RGS6: variants seen among roughly 807,000 people sequenced by gnomAD.
RGS6 encodes the protein regulator of G protein signaling 6.
A neutral mutation model predicts 78.5 loss-of-function variants in RGS6; 30 were observed. The ratio of observed to expected loss-of-function variants is 0.38; its 90% CI spans 0.29 to 0.52. The LOEUF (loss-of-function observed/expected upper bound fraction) is 0.52. Among genes scored for constraint, RGS6 ranks in the 20% least tolerant of loss-of-function variants. The pLI is 0.85. For missense variants in RGS6, 495 were observed against 609.7 expected (o/e 0.81, Z 1.98); for synonymous variants, 206 against 206.0 (o/e 1.00, Z 0.00).
At chr14:72,194,658 G>A (rs985052619) in intron 2 of RGS6, among the ~76,000 whole-genome samples, 7 of 152,136 alleles carry the variant, frequency 4.6e-5, no homozygotes, top group East Asian at 1.9e-4. Flanking sequence ...TACTGTGCCC[G>A]GCCTGGTTTA....
chr14:72,072,070 C>A (rs994473022), intron 2 of RGS6, among the ~76,000 whole-genome samples: 4 of 152,186 alleles, frequency 2.6e-5, no homozygotes, highest in African/African-American at 7.2e-5. Context: ...GTTTCAGGCC[C>A]AGTGCTAAGC....
chr14:72,576,375 T>C, the RGS6 span, among the ~76,000 whole-genome samples: 1 of 152,108 alleles, frequency 6.6e-6, no homozygotes, highest in African/African-American at 2.4e-5. Context: ...CATTATCCTA[T>C]CTGTAGTAGA....
intron 2 of RGS6, among the ~76,000 whole-genome samples, chr14:72,084,043 G>C (rs1486361195): frequency 6.6e-6 from 1 of 152,136 alleles, no homozygotes; most frequent in African/African-American, 2.4e-5. Context: ...AAAACACAGT[G>C]GTTTTGGAAA....
chr14:72,567,818 C>T (rs781185498), downstream of RGS6, among the ~76,000 whole-genome samples: 43 of 152,202 alleles, frequency 2.8e-4, no homozygotes, highest in Non-Finnish European at 4.7e-4. Context: ...GCTCTCCCTC[C>T]GCCACCCTTC....
chr14:72,601,336 C>T, the RGS6 span, among the ~76,000 whole-genome samples: 4 of 152,072 alleles, frequency 2.6e-5, no homozygotes, highest in South Asian at 2.1e-4. Context: ...CCCCCACCCC[C>T]GAATCTAACC....
At chr14:72,462,159 T>C (rs552723260) in intron 6 of RGS6, among the ~76,000 whole-genome samples, 1 of 152,328 alleles carries the variant, frequency 6.6e-6, no homozygotes, top group South Asian at 2.1e-4. Flanking sequence ...TGTCAAATTC[T>C]ATGTCAGAGA....
At chr14:72,326,026 A>C (rs1460931071) in intron 2 of RGS6, among the ~76,000 whole-genome samples, 3 of 152,174 alleles carry the variant, frequency 2.0e-5, no homozygotes, top group Admixed American at 6.5e-5. Flanking sequence ...TGACTCAGAA[A>C]TTTCACTTCT....
chr14:72,479,670 G>A (rs17116292), intron 12 of RGS6, among the ~76,000 whole-genome samples: 2,186 of 152,284 alleles, frequency 0.014, 62 homozygotes, highest in East Asian at 0.095. Context: ...TGTGTAGGCT[G>A]CAGAATCACC....
At chr14:72,618,051 T>C in the RGS6 span, among the ~76,000 whole-genome samples, 4 of 124,242 alleles carry the variant, frequency 3.2e-5, no homozygotes, top group Non-Finnish European at 5.1e-5. Flanking sequence ...CTCTTTCTTC[T>C]AGACACATTT....
chr14:72,417,861 G>A (rs75867231), intron 3 of RGS6, among the ~76,000 whole-genome samples: 9,010 of 152,244 alleles, frequency 0.059, 481 homozygotes, highest in East Asian at 0.31. Context: ...GTAACAAGAA[G>A]CAACTGGACC....
chr14:72,090,126 AAAAT>A (rs1337065725), intron 2 of RGS6, among the ~76,000 whole-genome samples: 17 of 150,800 alleles, frequency 1.1e-4, no homozygotes, highest in African/African-American at 3.6e-4. Flanking sequence ...AAAAAAAAAA[AAAAT>A]AAAGCCTTCA....
At chr14:72,386,965 G>A (rs1169389330) in intron 3 of RGS6, among the ~76,000 whole-genome samples, 3 of 152,134 alleles carry the variant, frequency 2.0e-5, no homozygotes, top group Non-Finnish European at 4.4e-5. Flanking sequence ...AACTTTTTCA[G>A]ATGAGAGAAC....
At chr14:72,027,052 C>T (rs111637299) in intron 2 of RGS6, among the ~76,000 whole-genome samples, 427 of 152,072 alleles carry the variant, frequency 2.8e-3, no homozygotes, top group African/African-American at 9.7e-3. Flanking sequence ...GGAGAGGATG[C>T]CTGCGTGTCT....
At chr14:72,606,183 A>AC in the RGS6 span, among the ~76,000 whole-genome samples, 1 of 152,202 alleles carries the variant, frequency 6.6e-6, no homozygotes, top group African/African-American at 2.4e-5. Context: ...GCATGGAAAC[A>AC]CACTTTGCCA....
chr14:72,369,157 G>A (rs1596345777), intron 3 of RGS6, among the ~76,000 whole-genome samples: 1 of 152,310 alleles, frequency 6.6e-6, no homozygotes, highest in African/African-American at 2.4e-5. Context: ...GCCATGGGTT[G>A]GACAAGCTTG....
intron 3 of RGS6, among the ~76,000 whole-genome samples, chr14:72,415,610 T>G (rs1023866316): frequency 1.4e-4 from 21 of 152,224 alleles, no homozygotes; most frequent in African/African-American, 5.1e-4. Flanking sequence ...AATGCACAAA[T>G]CACCCATCTT....
At chr14:71,871,699 T>C in the RGS6 span, among the ~76,000 whole-genome samples, 2 of 152,184 alleles carry the variant, frequency 1.3e-5, no homozygotes, top group African/African-American at 4.8e-5. Context: ...CACATTGGCA[T>C]GACCATCAGG....
chr14:72,573,502 G>A, the RGS6 span, among the ~76,000 whole-genome samples: 13 of 152,220 alleles, frequency 8.5e-5, no homozygotes, highest in African/African-American at 3.1e-4. Flanking sequence ...AATTCTAGAT[G>A]ATTCTGACCC....
chr14:72,384,403 A>C (rs1405924928), intron 3 of RGS6, among the ~76,000 whole-genome samples: 1 of 152,228 alleles, frequency 6.6e-6, no homozygotes, highest in Non-Finnish European at 1.5e-5. Flanking sequence ...TTTTAAAATG[A>C]AATGTATGTT....
Sources: gnomAD v4.1 joint callset for allele counts (sites outside exome capture counted in the v4.1 genomes callset) on GRCh38, gnomAD v4.1.1 for gene constraint, MANE v1.5 for transcripts, NCBI Gene and HGNC (gene_info 2026-07-23, HGNC 2026-07-21) for gene names.